Variants in TBC1D1 observed in about 807,000 individuals in gnomAD.
TBC1D1 encodes the protein TBC1 (tre-2/USP6, BUB2, cdc16) domain family, member 1.
A neutral mutation model predicts 125.6 loss-of-function variants in TBC1D1; 89 were observed. The observed-to-expected ratio is 0.71, with a 90% confidence interval of 0.60 to 0.85. TBC1D1 has a LOEUF of 0.85. TBC1D1 is among the 40% of genes least tolerant of loss of function. TBC1D1 has a pLI of 0.00. For missense variants in TBC1D1, 1,377 were observed against 1,469.2 expected, an observed-to-expected ratio of 0.94 and a Z score of 1.03; for synonymous variants, 565 against 564.1, an observed-to-expected ratio of 1.00 and a Z score of -0.02.
chr4:38,052,335 G>GTTTTTT (rs66650664), intron 11 of TBC1D1, among the ~76,000 whole-genome samples: 1 of 141,164 alleles, frequency 7.1e-6, no homozygotes, highest in Non-Finnish European at 1.5e-5. Flanking sequence ...GTTTGTGTTT[G>GTTTTTT]TTTTTTTTTT....
In TBC1D1 at chr4:37,960,360, T is replaced by C. The variant is rs1729731791; in HGVS notation, c.418-54149T>C. 6 of 1,325,704 alleles carry C rather than the reference T, an allele frequency of 4.5e-6. No homozygotes were observed. In the South Asian group the frequency reaches 8.5e-5, roughly 19 times the overall value. The allele number at this position is 1,325,704 out of a possible 1,614,324, so 82.1% of individuals were successfully genotyped here. On this transcript the variant is annotated intron_variant, in intron 2 of 19. Coordinates refer to ENST00000261439, the MANE Select transcript of TBC1D1 (RefSeq NM_015173.4). ...ATATTACACCAATTTCCACTATAGT[T>C]AACATTCTATCTAAATATAAAGTGG...
intron 2 of TBC1D1, among the ~76,000 whole-genome samples, chr4:37,958,863 A>T (rs1450378844): frequency 2.6e-5 from 4 of 152,186 alleles, no homozygotes; most frequent in African/African-American, 9.7e-5. Flanking sequence ...ATTCAATTGG[A>T]ATGCCTGCAG....
intron 2 of TBC1D1, among the ~76,000 whole-genome samples, chr4:37,981,471 T>C (rs969953127): frequency 2.0e-5 from 3 of 152,122 alleles, no homozygotes; most frequent in African/African-American, 7.2e-5. Context: ...GACCCCTGTT[T>C]TCATGGAATT....
intron 17 of TBC1D1, among the ~76,000 whole-genome samples, chr4:38,118,744 A>G (rs1763388189): frequency 6.6e-6 from 1 of 152,224 alleles, no homozygotes; most frequent in African/African-American, 2.4e-5. Flanking sequence ...TTGACACTTC[A>G]TGAAGGCCTC....
chr4:38,103,203 A>G (rs1189926001), intron 15 of TBC1D1, 46 bp downstream of exon 17: 1 of 1,567,654 alleles, frequency 6.4e-7, no homozygotes, highest in Non-Finnish European at 8.6e-7. Flanking sequence ...AGTTTCACTC[A>G]CATGAAAAAT....
chr4:38,124,086 A>C (rs1352873126), intron 17 of TBC1D1, among the ~76,000 whole-genome samples: 1 of 152,212 alleles, frequency 6.6e-6, no homozygotes, highest in Non-Finnish European at 1.5e-5. Flanking sequence ...ACTTGCCTCC[A>C]ATTATATTTC....
At chr4:37,953,189 AT>A (rs1728241874) in intron 2 of TBC1D1, among the ~76,000 whole-genome samples, 1 of 152,242 alleles carries the variant, frequency 6.6e-6, no homozygotes, top group Non-Finnish European at 1.5e-5. Context: ...CCACAGTGTG[AT>A]ATGAAAAGCA....
Position 37,919,476 on chromosome 4 carries a change from G to A in TBC1D1, c.417+16964G>A, listed in dbSNP as rs1462792611. On this transcript the variant is annotated intron_variant, in intron 2 of 19. Coordinates refer to ENST00000261439, the MANE Select transcript of TBC1D1 (RefSeq NM_015173.4). ...GCTGGGATTACAGACATAAGCCACC[G>A]CGCCTGGCTAAGGTTATATATTTTA... 3.3e-5 allele frequency among the ~76,000 whole-genome samples: 5 copies of A among 151,672 alleles called. No individual in the cohort carries two copies. The East Asian group carries it at 5.8e-4, about 18-fold the overall frequency.
chr4:38,112,200 T>C (rs1388893355), intron 15 of TBC1D1: 4 of 512,602 alleles, frequency 7.8e-6, no homozygotes, highest in Non-Finnish European at 1.0e-5. Context: ...CTTTCAGTTC[T>C]ACCTGCTTGT....
At chr4:38,086,798 C>T (rs946743539) in intron 12 of TBC1D1, among the ~76,000 whole-genome samples, 2 of 152,160 alleles carry the variant, frequency 1.3e-5, no homozygotes, top group African/African-American at 4.8e-5. Flanking sequence ...GCAGTGGAGG[C>T]ATTACTGGGG....
chr4:38,032,218 C>T (rs1270675249), intron 7 of TBC1D1, among the ~76,000 whole-genome samples: 2 of 152,130 alleles, frequency 1.3e-5, no homozygotes, highest in African/African-American at 2.4e-5. Context: ...ACTCGGGAGG[C>T]TAAGGCATGA....
chr4:37,975,108 T>G (rs1368407343), intron 2 of TBC1D1, among the ~76,000 whole-genome samples: 1 of 152,174 alleles, frequency 6.6e-6, no homozygotes, highest in East Asian at 1.9e-4. Context: ...AATGCCAGGC[T>G]GTGCTGATAT....
At position 38,012,862 on chromosome 4, in the gene TBC1D1, C is replaced by T. The variant is rs183589096; in HGVS notation, c.418-1647C>T. On this transcript the variant is annotated intron_variant, in intron 2 of 19. Transcript: ENST00000261439. ...AGGCTGGAGTGCAGTGGCACAATCT[C>T]GGCTCACTGCAACCTCCGCCTCCCA... Among the ~76,000 whole-genome samples the T allele has an allele frequency of 5.1e-3, 776 of 152,224 alleles. 4 individuals are homozygous for T. Among genetic ancestry groups the T allele is most frequent in the African/African-American group, 0.017 (701 of 41,518 alleles).
chr4:37,992,586 C>A (rs2152389998), intron 2 of TBC1D1, among the ~76,000 whole-genome samples: 1 of 151,216 alleles, frequency 6.6e-6, no homozygotes, highest in Admixed American at 6.6e-5. Context: ...GCTCCGCCTC[C>A]CGGGTTCACG....
At position 38,014,576 on chromosome 4, in the gene TBC1D1, C is replaced by T. The variant is rs759106581; in HGVS notation, c.485C>T (p.Pro162Leu). The T allele has an allele frequency of 3.7e-6, 6 of 1,613,408 alleles. No homozygotes were observed. Among genetic ancestry groups the T allele is most frequent in the East Asian group, 2.2e-5 (1 of 44,884 alleles). Residue 162 changes from proline (P) to leucine (L), a missense_variant, in exon 3 of 20, where the codon CCG (proline) becomes CTG (leucine). Pro to Leu is a moderately conservative substitution (Grantham distance 98). Around this residue, in one of 3 missense-constraint regions of TBC1D1, gnomAD observed 822 missense variants for 824.6 expected, o/e 1.00. Transcript: ENST00000261439. This position sits in a 1 kb window ranked among gnomAD's most constrained non-coding sequence, Gnocchi z 5.1. ...GCCCGGCAGGAGGAGCTGCACTGCC[C>T]GTCCGAGTTCGACGACACGTTTTCC... is the stretch of plus-strand genomic sequence containing the variant.
In TBC1D1 at chr4:38,069,919, T is replaced by C. The variant is rs193088250; in HGVS notation, c.2050+15581T>C. 7.9e-5 allele frequency among the ~76,000 whole-genome samples: 12 copies of C among 152,290 alleles called. No individual in the cohort carries two copies. The East Asian group carries it at 2.1e-3, about 27-fold the overall frequency. On this transcript the variant is annotated intron_variant, in intron 12 of 19. Coordinates refer to ENST00000261439, the MANE Select transcript of TBC1D1 (RefSeq NM_015173.4). ...CATCAGCTATTGTTAGTGTATTTTATGTGTGGCCCAAGACAATTCTTCTTC... is the reference window on the plus strand; with the variant it reads ...CATCAGCTATTGTTAGTGTATTTTACGTGTGGCCCAAGACAATTCTTCTTC...
intron 2 of TBC1D1, among the ~76,000 whole-genome samples, chr4:37,970,761 T>G (rs1303324147): frequency 6.6e-6 from 1 of 152,262 alleles, no homozygotes; most frequent in East Asian, 1.9e-4. Flanking sequence ...CTAATGAATA[T>G]TCATATTTGT....
chr4:38,014,710 C>T lies in TBC1D1; in HGVS notation c.619C>T (p.Arg207Trp), dbSNP rs1742274417. 6 of 1,612,440 alleles carry T rather than the reference C, an allele frequency of 3.7e-6. No homozygotes were observed. Among genetic ancestry groups the T allele is most frequent in the South Asian group, 2.2e-5 (2 of 91,076 alleles). Residue 207 changes from arginine (R) to tryptophan (W), a missense_variant, in exon 3 of 20, where the codon CGG (arginine) becomes TGG (tryptophan). By Grantham distance (101) the Arg-to-Trp change is moderately radical. Coordinates refer to ENST00000261439, the MANE Select transcript of TBC1D1 (RefSeq NM_015173.4). This position sits in a 1 kb window ranked among gnomAD's most constrained non-coding sequence, Gnocchi z 5.1. Reference sequence around the variant, plus strand: ...GAAGTTCAATCACGTCAGCGGCAGCCGGGGGTCCGAGAGCCCCCGCCCCAA... The same window carrying T: ...GAAGTTCAATCACGTCAGCGGCAGCTGGGGGTCCGAGAGCCCCCGCCCCAA...
chr4:37,961,312 T>C (rs909651198), intron 2 of TBC1D1, among the ~76,000 whole-genome samples: 4 of 152,000 alleles, frequency 2.6e-5, no homozygotes, highest in Non-Finnish European at 5.9e-5. Context: ...AACTTCTACA[T>C]CTTTTCTTCC....
Sources: allele counts gnomAD v4.1 joint callset (sites outside exome capture counted in the v4.1 genomes callset), GRCh38; gene constraint gnomAD v4.1.1; regional missense constraint gnomAD v4.1.1; non-coding constraint Gnocchi (gnomAD v3.1); transcripts MANE v1.5; gene names NCBI Gene and HGNC (gene_info 2026-07-23, HGNC 2026-07-21).